Variants in GPR89B observed in about 807,000 individuals in gnomAD.
GPR89B encodes G protein-coupled receptor 89B.
Under a neutral mutation model 52.4 loss-of-function variants are expected in GPR89B, and 25 were observed. That is an observed-to-expected ratio of 0.48 (90% CI 0.35 to 0.67). The LOEUF (loss-of-function observed/expected upper bound fraction) is 0.67, where lower values mean the gene tolerates loss of function less well. Ranked by LOEUF, GPR89B falls within the 30% of genes least tolerant of loss-of-function variation. The pLI is 0.01. For missense variants in GPR89B, 146 were observed against 450.2 expected, an observed-to-expected ratio of 0.32 and a Z score of 6.11; for synonymous variants, 52 against 151.2, an observed-to-expected ratio of 0.34 and a Z score of 4.81.
At chr1:148,012,149 A>G in the GPR89B span, 3 of 152,302 alleles carry the variant, frequency 2.0e-5, no homozygotes, top group South Asian at 2.1e-4. Flanking sequence ...TGGAACCACT[A>G]AGGTTCTTCT....
chr1:147,930,107 A>G (rs6593833), intron 1 of GPR89B, among the ~76,000 whole-genome samples: 3,289 of 152,342 alleles, frequency 0.022, 115 homozygotes, highest in African/African-American at 0.075. Flanking sequence ...ACGTTGAACC[A>G]AGGAAGTGGC....
At chr1:147,969,730 T>C in intron 9 of GPR89B, 137 bp from the exon 10 acceptor site, 1 of 1,277,298 alleles carries the variant, frequency 7.8e-7, no homozygotes, top group African/African-American at 1.6e-5. Context: ...CCACAACTAC[T>C]GTTATTAGTT....
chr1:147,969,035 T>C (rs1246213654), intron 9 of GPR89B, 72 bp downstream of exon 9: 2 of 1,273,890 alleles, frequency 1.6e-6, no homozygotes, highest in African/African-American at 1.5e-5. Context: ...AAATGGCTTT[T>C]TAGATTTCTC....
chr1:147,966,119 T>A (rs2149073825), intron 7 of GPR89B, among the ~76,000 whole-genome samples: 1 of 152,142 alleles, frequency 6.6e-6, no homozygotes, highest in South Asian at 2.1e-4. Context: ...AGTGCTGGGA[T>A]TACAGGAGTG....
At chr1:148,009,666 C>G in the GPR89B span, 5 of 689,188 alleles carry the variant, frequency 7.3e-6, no homozygotes, top group East Asian at 5.5e-5. Flanking sequence ...GACCATCTGG[C>G]TCAATATCTG....
chr1:147,932,414 G>T (rs1385633092), intron 1 of GPR89B, among the ~76,000 whole-genome samples: 1 of 152,062 alleles, frequency 6.6e-6, no homozygotes, highest in South Asian at 2.1e-4. Context: ...AGGCCTGAAG[G>T]CTACTATAGA....
At chr1:147,937,992 G>A (rs1331315692) in intron 2 of GPR89B, among the ~76,000 whole-genome samples, 3 of 152,098 alleles carry the variant, frequency 2.0e-5, no homozygotes, top group African/African-American at 4.8e-5. Context: ...AAAGACAGGC[G>A]TAAGAAATTA....
chr1:147,949,695 G>T (rs587735840), intron 5 of GPR89B, among the ~76,000 whole-genome samples: 4 of 139,760 alleles, frequency 2.9e-5, no homozygotes, highest in Non-Finnish European at 6.2e-5. Context: ...CTCCTTCGCG[G>T]ACGGGGCAGC....
At chr1:147,938,904 A>G in intron 3 of GPR89B, 87 bp downstream of exon 3, 1 of 1,573,690 alleles carries the variant, frequency 6.4e-7, no homozygotes, top group Non-Finnish European at 8.6e-7. Context: ...ATAACTGAAA[A>G]AAAAAAAAAC....
intron 13 of GPR89B, 40 bp downstream of exon 13, chr1:147,992,607 A>G (rs1659149337): frequency 2.5e-6 from 4 of 1,611,578 alleles, no homozygotes; most frequent in Non-Finnish European, 3.4e-6. Flanking sequence ...CAGCTGTAAA[A>G]TATCAGAAAT....
chr1:147,957,791 G>T (rs1441514067), intron 7 of GPR89B, among the ~76,000 whole-genome samples: 4 of 152,006 alleles, frequency 2.6e-5, no homozygotes, highest in African/African-American at 7.3e-5. Context: ...AAGGCCAGGC[G>T]CAGTGGCTCA....
At chr1:147,970,107 C>T (rs1413711404) in intron 10 of GPR89B, 148 bp downstream of exon 10, 3 of 1,074,738 alleles carry the variant, frequency 2.8e-6, no homozygotes, top group South Asian at 3.4e-5. Flanking sequence ...CTCTGGGCTT[C>T]ATTTGTTATC....
the GPR89B span, among the ~76,000 whole-genome samples, chr1:148,004,235 C>G: frequency 1.3e-5 from 2 of 150,946 alleles, no homozygotes; most frequent in South Asian, 4.3e-4. Context: ...CAGCTCACTG[C>G]AAGCTCTGCC....
chr1:147,971,254 AT>A (rs1657439881), intron 10 of GPR89B, among the ~76,000 whole-genome samples: 1 of 151,016 alleles, frequency 6.6e-6, no homozygotes, highest in Non-Finnish European at 1.5e-5. Context: ...GGCTCAAGCA[AT>A]TCTCCTGCCT....
the GPR89B span, among the ~76,000 whole-genome samples, chr1:148,018,006 T>C: frequency 2.7e-5 from 4 of 146,802 alleles, no homozygotes; most frequent in Non-Finnish European, 6.0e-5. Context: ...AGGTACATGA[T>C]TACCTTCTTC....
intron 7 of GPR89B, among the ~76,000 whole-genome samples, chr1:147,957,689 C>T (rs1417097393): frequency 6.6e-6 from 1 of 151,574 alleles, no homozygotes; most frequent in African/African-American, 2.4e-5. Context: ...TGAGTATTTT[C>T]ACATTTCATA....
chr1:147,969,445 T>A, intron 9 of GPR89B: 1 of 202,168 alleles, frequency 4.9e-6, no homozygotes, highest in Non-Finnish European at 1.0e-5. Flanking sequence ...TAGTGAAGAT[T>A]GCAAACTTTT....
chr1:148,005,581 T>G, the GPR89B span: 11 of 1,112,364 alleles, frequency 9.9e-6, no homozygotes, highest in Non-Finnish European at 1.4e-5. Context: ...TCTGTGATGT[T>G]GACTTCTGAT....
the GPR89B span, among the ~76,000 whole-genome samples, chr1:148,009,900 G>A: frequency 6.6e-5 from 10 of 152,192 alleles, no homozygotes; most frequent in East Asian, 1.9e-4. Flanking sequence ...ATGTAAGCTC[G>A]GGAGGGAGGA....
Sources: gnomAD v4.1 joint callset for allele counts (sites outside exome capture counted in the v4.1 genomes callset) on GRCh38, gnomAD v4.1.1 for gene constraint, MANE v1.5 for transcripts, NCBI Gene and HGNC (gene_info 2026-07-23, HGNC 2026-07-21) for gene names.